TMEM266: variants seen among roughly 807,000 people sequenced by gnomAD.
The protein encoded by TMEM266 is transmembrane protein 266.
A neutral mutation model predicts 50.5 loss-of-function variants in TMEM266; 33 were observed. That is an observed-to-expected ratio of 0.65 (90% CI 0.50 to 0.87). TMEM266 has a LOEUF of 0.87. Ranked by LOEUF, TMEM266 falls within the 40% of genes least tolerant of loss-of-function variation. TMEM266 has a pLI of 0.00. For synonymous variants in TMEM266, 310 were observed against 292.3 expected, an observed-to-expected ratio of 1.06 and a Z score of -0.62; for missense variants, 655 against 695.1, an observed-to-expected ratio of 0.94 and a Z score of 0.65.
At chr15:76,100,250 A>G (rs1009964745) in intron 1 of TMEM266, among the ~76,000 whole-genome samples, 2 of 152,212 alleles carry the variant, frequency 1.3e-5, no homozygotes, top group African/African-American at 4.8e-5. Context: ...GGAGACTGGG[A>G]GGAAAACTTA....
intron 4 of TMEM266, among the ~76,000 whole-genome samples, chr15:76,158,407 T>C (rs1323424042): frequency 4.6e-5 from 7 of 152,166 alleles, no homozygotes. Context: ...CACTCACCCA[T>C]ACTGTCTGCT....
rs569002340 is a variant in TMEM266, at chr15:76,084,607, T to G, written c.-97+24591T>G. Among the ~76,000 whole-genome samples, 447 of 151,804 alleles carry G rather than the reference T, an allele frequency of 2.9e-3. 4 individuals are homozygous for G. Among genetic ancestry groups the G allele is most frequent in the African/African-American group, 0.01 (415 of 41,320 alleles). The stretch of plus-strand genomic sequence containing the variant: ...ATGAGGGTTTTTTTTGGTTTTTTTT[T>G]TTTTGTTTTTTGAGACAGAGTCTTG... On this transcript the variant is annotated intron_variant, in intron 1 of 10. Transcript: ENST00000388942.
At chr15:76,071,225 C>T (rs760841692) in intron 1 of TMEM266, among the ~76,000 whole-genome samples, 2 of 152,164 alleles carry the variant, frequency 1.3e-5, no homozygotes, top group Middle Eastern at 3.2e-3. Flanking sequence ...CTGCAGACAA[C>T]ATTCAGGATT....
chr15:76,080,779 C>G (rs748778960), intron 1 of TMEM266, among the ~76,000 whole-genome samples: 62 of 152,228 alleles, frequency 4.1e-4, no homozygotes, highest in Middle Eastern at 3.4e-3. Context: ...GACTGTCTCG[C>G]TCTGCCACCC....
chr15:76,186,961 G>C (rs1310264972), intron 8 of TMEM266, among the ~76,000 whole-genome samples: 1 of 152,086 alleles, frequency 6.6e-6, no homozygotes, highest in Non-Finnish European at 1.5e-5. Flanking sequence ...TGCCTCCCCT[G>C]CCATAAGTAC....
At chr15:76,081,908 T>C (rs1596091013) in intron 1 of TMEM266, among the ~76,000 whole-genome samples, 1 of 152,184 alleles carries the variant, frequency 6.6e-6, no homozygotes, top group African/African-American at 2.4e-5. Context: ...CCAGCAGTAG[T>C]GTTTTTTCCT....
intron 3 of TMEM266, among the ~76,000 whole-genome samples, chr15:76,152,539 C>T (rs1000621342): frequency 3.3e-5 from 5 of 152,152 alleles, no homozygotes; most frequent in Non-Finnish European, 5.9e-5. Context: ...ATCCTCCTCC[C>T]GGTCCAGCTC....
intron 1 of TMEM266, among the ~76,000 whole-genome samples, chr15:76,061,847 T>C (rs2036309323): frequency 6.6e-6 from 1 of 152,230 alleles, no homozygotes. Context: ...CACTATCTTC[T>C]GGTCTCACTG....
chr15:76,106,153 C>T (rs963726037), intron 1 of TMEM266, among the ~76,000 whole-genome samples: 4 of 152,068 alleles, frequency 2.6e-5, no homozygotes, highest in Admixed American at 2.6e-4. Flanking sequence ...GCCTCCCATC[C>T]CCCAGCCCCT....
rs1192986768 is a variant in TMEM266, at chr15:76,204,942, A to G, written c.*627A>G. The stretch of plus-strand genomic sequence containing the variant: ...CCATTTTCCAACCTTGGCTTTAATA[A>G]TAAAAACCAGCTGCACTGAGACTCC... On this transcript the variant is annotated 3_prime_UTR_variant, in exon 11 of 11. Transcript: ENST00000388942. 6.6e-6 allele frequency: 1 copy of G among 152,582 alleles called. No homozygotes were observed. The highest frequency in any genetic ancestry group is 2.4e-5 in the African/African-American group (1 of 41,396). The allele number at this position is 152,582 out of a possible 1,614,324, so 9.5% of individuals were successfully genotyped here.
intron 9 of TMEM266, among the ~76,000 whole-genome samples, chr15:76,193,416 T>C (rs1311418645): frequency 6.6e-6 from 1 of 152,160 alleles, no homozygotes; most frequent in African/African-American, 2.4e-5. Flanking sequence ...GGTGGGGTCT[T>C]GCTATGTTGC....
intron 1 of TMEM266, among the ~76,000 whole-genome samples, chr15:76,083,702 T>G (rs758165301): frequency 1.3e-5 from 2 of 152,232 alleles, no homozygotes; most frequent in Non-Finnish European, 2.9e-5. Flanking sequence ...TTTATGAGTG[T>G]AATTACTCGA....
At chr15:76,079,765 C>T (rs2036658648) in intron 1 of TMEM266, among the ~76,000 whole-genome samples, 1 of 124,676 alleles carries the variant, frequency 8.0e-6, no homozygotes, top group African/African-American at 3.2e-5. Context: ...GAGCGAGACT[C>T]TGTCTCAAAA....
intron 9 of TMEM266, among the ~76,000 whole-genome samples, chr15:76,199,573 G>A (rs1707173054): frequency 6.6e-6 from 1 of 152,236 alleles, no homozygotes; most frequent in Admixed American, 6.5e-5. Context: ...CTCCACATGA[G>A]TTGGCAGAGG....
At chr15:76,065,969 C>A (rs1260013337) in intron 1 of TMEM266, among the ~76,000 whole-genome samples, 1 of 152,162 alleles carries the variant, frequency 6.6e-6, no homozygotes, top group East Asian at 1.9e-4. Context: ...CCGAGGGGTG[C>A]CCCTGCCCAG....
intron 1 of TMEM266, among the ~76,000 whole-genome samples, chr15:76,116,734 CT>C (rs1295917380): frequency 6.6e-6 from 1 of 152,132 alleles, no homozygotes; most frequent in East Asian, 1.9e-4. Context: ...CATATATTTT[CT>C]GTACATAGGG....
intron 1 of TMEM266, among the ~76,000 whole-genome samples, chr15:76,130,083 G>C (rs149643336): frequency 6.6e-6 from 1 of 151,378 alleles, no homozygotes; most frequent in African/African-American, 2.4e-5. Flanking sequence ...AGGTAGCCGG[G>C]TGTGGTGGCT....
chr15:76,177,180 C>G (rs567820365), intron 8 of TMEM266, among the ~76,000 whole-genome samples: 14 of 152,374 alleles, frequency 9.2e-5, no homozygotes, highest in African/African-American at 2.2e-4. Context: ...GTCAGTGCTC[C>G]TTTATGCCTG....
At chr15:76,082,289 T>C (rs891559180) in intron 1 of TMEM266, among the ~76,000 whole-genome samples, 1 of 152,224 alleles carries the variant, frequency 6.6e-6, no homozygotes, top group African/African-American at 2.4e-5. Flanking sequence ...CTGGATAGTC[T>C]ATAAAGAAAA....
Sources: gnomAD v4.1 joint callset for allele counts (sites outside exome capture counted in the v4.1 genomes callset) on GRCh38, gnomAD v4.1.1 for gene constraint, MANE v1.5 for transcripts, NCBI Gene and HGNC (gene_info 2026-07-23, HGNC 2026-07-21) for gene names.